Variants in EBF4 observed in about 807,000 individuals in gnomAD.
EBF4 encodes transcription factor COE4.
In EBF4, 34 loss-of-function variants were observed where a neutral mutation model predicts 67.1. The observed-to-expected ratio is 0.51, with a 90% CI of 0.39 to 0.67. The LOEUF is 0.67. Among genes scored for constraint, EBF4 ranks in the 30% least tolerant of loss-of-function variants. The pLI is 0.00. For synonymous variants in EBF4, 387 were observed against 377.7 expected (o/e 1.02, Z -0.29); for missense variants, 837 against 873.3 (o/e 0.96, Z 0.52).
intron 6 of EBF4, among the ~76,000 whole-genome samples, chr20:2,719,475 A>G (rs6076427): frequency 0.1 from 15,708 of 152,166 alleles, 894 homozygotes; most frequent in Admixed American, 0.14. Flanking sequence ...GGGTTTCACC[A>G]TATTGGCCAG....
intron 6 of EBF4, among the ~76,000 whole-genome samples, chr20:2,726,386 G>A (rs1210629108): frequency 6.6e-6 from 1 of 152,106 alleles, no homozygotes; most frequent in African/African-American, 2.4e-5. Flanking sequence ...TTTGAGAACA[G>A]CCAGGGCAAC....
chr20:2,732,783 T>A (rs1481498037), intron 6 of EBF4, among the ~76,000 whole-genome samples: 1 of 152,052 alleles, frequency 6.6e-6, no homozygotes, highest in Admixed American at 6.6e-5. Context: ...TCTGCCATTG[T>A]GCTTTGTGTT....
intron 6 of EBF4, among the ~76,000 whole-genome samples, chr20:2,744,990 C>A (rs1342703894): frequency 1.3e-5 from 2 of 152,148 alleles, no homozygotes; most frequent in Non-Finnish European, 2.9e-5. Context: ...TTTACACTTA[C>A]AGCACATCTC....
rs2087310267 is a variant in EBF4, at chr20:2,697,453, G to C, written c.137+3671G>C. ...CCAGCTACTCAGGAGGCTGAGGCAG[G>C]AGAATGGCGTGAACCCGGGAGGCGG... On this transcript the variant is annotated intron_variant, in intron 1 of 16. Coordinates refer to ENST00000609451, the Ensembl canonical transcript of EBF4. Among the ~76,000 whole-genome samples the C allele has an allele frequency of 2.0e-5, 3 of 152,080 alleles. No individual in the cohort carries two copies. In the South Asian group the frequency reaches 6.2e-4, roughly 32 times the overall value.
intron 6 of EBF4, among the ~76,000 whole-genome samples, chr20:2,729,514 C>T (rs1030428700): frequency 6.6e-6 from 1 of 152,156 alleles, no homozygotes; most frequent in Non-Finnish European, 1.5e-5. Context: ...CCTTTTGAAG[C>T]TCCCCTACTA....
At chr20:2,759,240 T>C in intron 16 of EBF4, 28 bp from the exon 17 acceptor site, 1 of 542,862 alleles carries the variant, frequency 1.8e-6, no homozygotes, top group Non-Finnish European at 3.3e-6. Context: ...CTCCCCGACC[T>C]TCTTCTCTCC....
chr20:2,698,510 G>A (rs539499042), intron 1 of EBF4, among the ~76,000 whole-genome samples: 1 of 152,314 alleles, frequency 6.6e-6, no homozygotes, highest in South Asian at 2.1e-4. Context: ...CAGCAGTCCC[G>A]GGGTCCAGAG....
intron 6 of EBF4, 101 bp downstream of exon 6, chr20:2,709,743 G>GC (rs991265891): frequency 9.2e-5 from 111 of 1,203,836 alleles, no homozygotes; most frequent in South Asian, 1.5e-4. Flanking sequence ...GAGCGGAGCA[G>GC]CCCCCCCGGG....
chr20:2,733,954 T>A (rs1253257388), intron 6 of EBF4, among the ~76,000 whole-genome samples: 1 of 152,188 alleles, frequency 6.6e-6, no homozygotes, highest in Non-Finnish European at 1.5e-5. Flanking sequence ...TAAATTTTAC[T>A]TATTGTTCTT....
In EBF4 at chr20:2,748,532, C is replaced by T. The variant is rs1210937287; in HGVS notation, c.558-17C>T. 4 of 1,550,362 alleles carry T rather than the reference C, an allele frequency of 2.6e-6. No homozygotes were observed. In the African/African-American group the frequency reaches 4.1e-5, roughly 16 times the overall value. ...AGAACCCCCAGACCCTTGAGCCCAC[C>T]GACCACACTGTTTCAGGTTCTTCCT... is the stretch of plus-strand genomic sequence containing the variant. On this transcript the variant is annotated splice_polypyrimidine_tract_variant and intron_variant, in intron 6 of 16. Coordinates refer to ENST00000609451, the Ensembl canonical transcript of EBF4.
At position 2,746,648 on chromosome 20, in the gene EBF4, GTTTGCAGAC is replaced by G. The variant is rs143961366; in HGVS notation, c.558-1896_558-1888del. Reference sequence around the variant, plus strand: ...ATTTTCCTCTGAACAGAAATTTAATGTTTGCAGACTTTGGAGGCAACTCTGGTGAATTAA... The same window carrying G: ...ATTTTCCTCTGAACAGAAATTTAATGTTTGGAGGCAACTCTGGTGAATTAA... On this transcript the variant is annotated intron_variant, in intron 6 of 16. Coordinates refer to ENST00000609451, the Ensembl canonical transcript of EBF4. Among the ~76,000 whole-genome samples, 1,203 of 152,284 alleles carry G rather than the reference GTTTGCAGAC, an allele frequency of 7.9e-3. 14 individuals carry two copies. Among genetic ancestry groups the G allele is most frequent in the African/African-American group, 0.027 (1,141 of 41,544 alleles).
At chr20:2,705,142 C>G (rs1217875167) in intron 1 of EBF4, among the ~76,000 whole-genome samples, 1 of 152,248 alleles carries the variant, frequency 6.6e-6, no homozygotes, top group Non-Finnish European at 1.5e-5. Flanking sequence ...CAGCCTCAGC[C>G]TGGGCTGGGG....
chr20:2,706,172 C>T, intron 3 of EBF4, 37 bp from the exon 4 acceptor site: 1 of 1,551,516 alleles, frequency 6.4e-7, no homozygotes, highest in Non-Finnish European at 8.7e-7. Flanking sequence ...TGCACATGCT[C>T]CCCCAGCAGC....
At chr20:2,706,475 C>A (rs2087461173) in intron 4 of EBF4, among the ~76,000 whole-genome samples, 1 of 152,168 alleles carries the variant, frequency 6.6e-6, no homozygotes, top group Admixed American at 6.5e-5. Context: ...TGTACAAAAA[C>A]CCTGGCTTGG....
chr20:2,755,194 T>C lies in EBF4; in HGVS notation c.1541-433T>C, dbSNP rs766921007. The C allele has an allele frequency of 1.9e-4, 34 of 179,554 alleles. No homozygotes were observed. Among genetic ancestry groups the C allele is most frequent in the Non-Finnish European group, 3.5e-4 (30 of 86,160 alleles). The allele number at this position is 179,554 out of a possible 1,614,324, so 11.1% of individuals were successfully genotyped here. On this transcript the variant is annotated intron_variant, in intron 14 of 16. Transcript: ENST00000609451. The surrounding 1 kb of genome is among the most constrained non-coding windows in gnomAD (Gnocchi z 4.7). ...CGTTCCCCCAAACTTCATCCCTAACTACTTGTTCCAGCTCTTCTGTGACTC... is the reference window on the plus strand; with the variant it reads ...CGTTCCCCCAAACTTCATCCCTAACCACTTGTTCCAGCTCTTCTGTGACTC...
intron 9 of EBF4, 39 bp downstream of exon 9, chr20:2,749,792 C>G: frequency 6.5e-7 from 1 of 1,541,166 alleles, no homozygotes; most frequent in Non-Finnish European, 8.8e-7. Context: ...GGCCTAGGGG[C>G]TGGGCCCTCC....
At position 2,693,750 on chromosome 20, in the gene EBF4, G is replaced by C; in HGVS notation, c.105G>C (p.Ala35=). 2 of 1,344,966 alleles carry C rather than the reference G, an allele frequency of 1.5e-6. No homozygotes were observed. Among genetic ancestry groups the C allele is most frequent in the Non-Finnish European group, 1.9e-6 (2 of 1,051,022 alleles). The allele number at this position is 1,344,966 out of a possible 1,614,324, so 83.3% of individuals were successfully genotyped here. A position where few individuals can be genotyped will look rare whatever the true frequency, so the allele number is the denominator to read the frequency against. ...CAGTGCGCTCCTGGATGCAGGGCGC[G>C]GGCATCCTGGACGCCAGCACCGCGG... is the stretch of plus-strand genomic sequence containing the variant. Residue 35 remains alanine, a synonymous_variant, in exon 1 of 17, where the codon GCG becomes GCC. Coordinates refer to ENST00000609451, the Ensembl canonical transcript of EBF4. This position sits in a 1 kb window ranked among gnomAD's most constrained non-coding sequence, Gnocchi z 4.6.
chr20:2,707,835 G>A lies in EBF4; in HGVS notation c.415-112G>A, dbSNP rs2087480041. The A allele has an allele frequency of 3.7e-6, 4 of 1,087,738 alleles. No homozygotes were observed. In the Admixed American group the frequency reaches 1.1e-4, roughly 30 times the overall value. The allele number at this position is 1,087,738 out of a possible 1,614,324, so 67.4% of individuals were successfully genotyped here. A position where few individuals can be genotyped will look rare whatever the true frequency, so the allele number is the denominator to read the frequency against. On this transcript the variant is annotated intron_variant, in intron 4 of 16. Coordinates refer to ENST00000609451, the Ensembl canonical transcript of EBF4. This position sits in a 1 kb window ranked among gnomAD's most constrained non-coding sequence, Gnocchi z 4.6. ...AAGGCAGAGGGCGTGCTCTTCCCTG[G>A]GGCAGGGTCTCCCTGGGCCTAGGCT...
chr20:2,717,849 C>T (rs1473984202), intron 6 of EBF4, among the ~76,000 whole-genome samples: 48 of 148,704 alleles, frequency 3.2e-4, no homozygotes, highest in African/African-American at 2.8e-4. Context: ...CTCGCTCTGT[C>T]GCTCAGGCTG....
Sources: allele counts gnomAD v4.1 joint callset (sites outside exome capture counted in the v4.1 genomes callset), GRCh38; gene constraint gnomAD v4.1.1; non-coding constraint Gnocchi (gnomAD v3.1); transcripts MANE v1.5; gene names NCBI Gene and HGNC (gene_info 2026-07-23, HGNC 2026-07-21).